Variants in RBMX observed in about 807,000 individuals in gnomAD.
RBMX encodes the protein RNA binding motif protein X-linked.
Under a neutral mutation model 29.3 loss-of-function variants are expected in RBMX, and 1 was observed. The observed-to-expected ratio is 0.03, with a 90% confidence interval of 0.01 to 0.16. RBMX has a LOEUF of 0.16. Ranked by LOEUF, RBMX falls within the 10% of genes least tolerant of loss-of-function variation. The probability of loss-of-function intolerance (pLI) is 1.00; values close to 1 mark genes in which losing one functional copy is unlikely to be tolerated. For missense variants in RBMX, 121 were observed against 333.2 expected, an observed-to-expected ratio of 0.36 and a Z score of 4.96; for synonymous variants, 102 against 102.3, an observed-to-expected ratio of 1.00 and a Z score of 0.02.
At position 136,877,903 on chromosome X, in the gene RBMX, G is replaced by A. The variant is rs771744771; in HGVS notation, c.388+12C>T. On this transcript the variant is annotated intron_variant, in intron 4 of 8. Coordinates refer to ENST00000320676, the MANE Select transcript of RBMX (RefSeq NM_002139.4). ...CTTATACACCAAACCCGAGGTCCAC[G>A]CAAGTTATTACCCATGTGTCCTCCC... The A allele has an allele frequency of 2.6e-5, 30 of 1,160,241 alleles. No individual in the cohort carries two copies. Among genetic ancestry groups the A allele is most frequent in the South Asian group, 1.0e-4 (5 of 48,614 alleles).
At chrX:136,872,600 A>G (rs913484691), downstream of RBMX, 5 of 349,610 alleles carry the variant, frequency 1.4e-5, no homozygotes, top group East Asian at 4.8e-5. Flanking sequence ...CGTTAAATCC[A>G]TAAGTTGAAC....
intron 4 of RBMX, among the ~76,000 whole-genome samples, chrX:136,877,363 T>C (rs1208719691): frequency 3.2e-5 from 3 of 92,661 alleles, no homozygotes; most frequent in African/African-American, 1.2e-4. Context: ...ATTATTGATT[T>C]GGGTAGTCTA....
chrX:136,871,337 G>A (rs1434696713), downstream of RBMX, among the ~76,000 whole-genome samples: 2 of 104,731 alleles, frequency 1.9e-5, no homozygotes. Context: ...GCTACTGGGG[G>A]AGGCTGAGGC....
chrX:136,875,705 T>C, intron 5 of RBMX, 120 bp from the exon 6 acceptor site: 1 of 954,075 alleles, frequency 1.0e-6, no homozygotes. Context: ...GGAGGCTAGA[T>C]CACCTAATTT....
At chrX:136,877,414 A>G (rs1055813741) in intron 4 of RBMX, among the ~76,000 whole-genome samples, 1 of 101,394 alleles carries the variant, frequency 9.9e-6, no homozygotes, top group Non-Finnish European at 2.0e-5. Context: ...GCAGTCATAG[A>G]AACTGGGGAA....
At chrX:136,876,710 A>G in intron 4 of RBMX, 55 bp from the exon 5 acceptor site, 1 of 1,040,539 alleles carries the variant, frequency 9.6e-7, no homozygotes, top group Non-Finnish European at 1.3e-6. Context: ...CAAGAAAGAT[A>G]TAAAAGTTTT....
chrX:136,877,461 T>C (rs1461164653), intron 4 of RBMX, among the ~76,000 whole-genome samples: 1 of 105,428 alleles, frequency 9.5e-6, no homozygotes, highest in Non-Finnish European at 2.0e-5. Context: ...ACTTTTTTTT[T>C]TTTTTTTTGA....
At position 136,873,560 on chromosome X, in the gene RBMX, C is replaced by G. The variant is rs1295732955; in HGVS notation, c.*582G>C. ...GGGAAAGGGGAGGTTCTTGCAGATTCCCAAGGAAATGTCAGAAAGGCAAAA... is the reference window on the plus strand; with the variant it reads ...GGGAAAGGGGAGGTTCTTGCAGATTGCCAAGGAAATGTCAGAAAGGCAAAA... On this transcript the variant is annotated 3_prime_UTR_variant, in exon 9 of 9. Transcript: ENST00000320676. The G allele has an allele frequency of 1.3e-5, 10 of 752,795 alleles. No individual in the cohort carries two copies. The highest frequency in any genetic ancestry group is 1.6e-5 in the Non-Finnish European group (10 of 638,692). The allele number at this position is 752,795 out of a possible 1,213,427, so 62.0% of individuals were successfully genotyped here.
At chrX:136,880,334 G>A (rs1332745262) in intron 1 of RBMX, among the ~76,000 whole-genome samples, 1 of 112,205 alleles carries the variant, frequency 8.9e-6, no homozygotes, top group East Asian at 2.8e-4. Context: ...TGGTGCGGTC[G>A]CTCCTCGCCC....
intron 8 of RBMX, 83 bp from the exon 9 acceptor site, chrX:136,874,535 T>C (rs1378634864): frequency 2.0e-5 from 22 of 1,094,441 alleles, no homozygotes; most frequent in Admixed American, 2.6e-5. Context: ...ACAGAATTCT[T>C]GTATTAAAAG....
chrX:136,879,808 G>GTAAA (rs1236467356), intron 1 of RBMX, among the ~76,000 whole-genome samples: 2 of 111,322 alleles, frequency 1.8e-5, no homozygotes, highest in Non-Finnish European at 3.8e-5. Flanking sequence ...TCCTAACGAT[G>GTAAA]GTTTTAAAAG....
Position 136,877,905 on chromosome X carries a change from A to G in RBMX, c.388+10T>C. ...TATACACCAAACCCGAGGTCCACGC[A>G]AGTTATTACCCATGTGTCCTCCCCG... On this transcript the variant is annotated intron_variant, in intron 4 of 8. Transcript: ENST00000320676. 4 of 1,164,071 alleles carry G rather than the reference A, an allele frequency of 3.4e-6. No individual in the cohort carries two copies. The highest frequency in any genetic ancestry group is 4.6e-6 in the Non-Finnish European group (4 of 869,087).
At chrX:136,876,703 G>A (rs766699839) in intron 4 of RBMX, 48 bp from the exon 5 acceptor site, 27 of 883,489 alleles carry the variant, frequency 3.1e-5, no homozygotes, top group Non-Finnish European at 3.8e-5. Context: ...CAAGAATCAA[G>A]AAAGATATAA....
chrX:136,871,525 G>T (rs1318796080), downstream of RBMX, among the ~76,000 whole-genome samples: 1 of 111,084 alleles, frequency 9.0e-6, no homozygotes, highest in African/African-American at 3.3e-5. Context: ...TGTTAAACAG[G>T]GAGCTTGCAG....
chrX:136,878,321 A>G (rs892734659), intron 3 of RBMX, among the ~76,000 whole-genome samples: 1 of 111,404 alleles, frequency 9.0e-6, no homozygotes. Context: ...AGGTGAACCC[A>G]CTGCATTATT....
downstream of RBMX, among the ~76,000 whole-genome samples, chrX:136,871,544 GCAT>G (rs1179247659): frequency 1.8e-5 from 2 of 111,371 alleles, no homozygotes; most frequent in Non-Finnish European, 3.8e-5. Flanking sequence ...AGCCACAGTT[GCAT>G]CATTAACTCC....
At position 136,873,575 on chromosome X, in the gene RBMX, G is replaced by A. The variant is rs2077697453; in HGVS notation, c.*567C>T. ...CTTGCAGATTCCCAAGGAAATGTCA[G>A]AAAGGCAAAATGGCCAGCATTATCC... On this transcript the variant is annotated 3_prime_UTR_variant, in exon 9 of 9. Coordinates refer to ENST00000320676, the MANE Select transcript of RBMX (RefSeq NM_002139.4). 1 of 753,639 alleles carries A rather than the reference G, an allele frequency of 1.3e-6. No individual in the cohort carries two copies. Among genetic ancestry groups the A allele is most frequent in the African/African-American group, 2.3e-5 (1 of 43,504 alleles). The allele number at this position is 753,639 out of a possible 1,213,427, so 62.1% of individuals were successfully genotyped here. A position where few individuals can be genotyped will look rare whatever the true frequency, so the allele number is the denominator to read the frequency against.
chrX:136,874,198 C>T lies in RBMX; in HGVS notation c.1120G>A (p.Gly374Ser). Reference protein sequence around the residue: ...YSSSSRGAPRGGGRGGSRSDR... With the variant: ...YSSSSRGAPRSGGRGGSRSDR... The stretch of plus-strand genomic sequence containing the variant: ...GATCGGCTTCCTCCACGGCCACCAC[C>T]TCTTGGTGCTCCGCGGCTTGAACTG... Residue 374 changes from glycine to serine, a missense_variant, in exon 9 of 9, where the codon GGT becomes AGT. By Grantham distance (56) the Gly-to-Ser change is moderately conservative. This residue lies in a region of RBMX where 114 missense variants were observed against 260.0 expected (regional missense o/e 0.44). Transcript: ENST00000320676. The T allele has an allele frequency of 1.6e-6, 2 of 1,212,776 alleles. No homozygotes were observed. The highest frequency in any genetic ancestry group is 1.1e-6 in the Non-Finnish European group (1 of 895,572).
chrX:136,874,195 C>T lies in RBMX; in HGVS notation c.1123G>A (p.Gly375Ser), dbSNP rs1400826373. Residue 375 changes from glycine to serine, a missense_variant, in exon 9 of 9, where the codon GGT (glycine) becomes AGT (serine). This residue lies in a region of RBMX where 114 missense variants were observed against 260.0 expected (regional missense o/e 0.44). Transcript: ENST00000320676. ...SSSSRGAPRG[G>S]GRGGSRSDRG... ...TCAGATCGGCTTCCTCCACGGCCAC[C>T]ACCTCTTGGTGCTCCGCGGCTTGAA... is the stretch of plus-strand genomic sequence containing the variant. The T allele has an allele frequency of 8.3e-7, 1 of 1,212,057 alleles. No homozygotes were observed. Among genetic ancestry groups the T allele is most frequent in the Non-Finnish European group, 1.1e-6 (1 of 895,361 alleles).
Sources: allele counts gnomAD v4.1 joint callset (sites outside exome capture counted in the v4.1 genomes callset), GRCh38; gene constraint gnomAD v4.1.1; regional missense constraint gnomAD v4.1.1; transcripts MANE v1.5; gene names NCBI Gene and HGNC (gene_info 2026-07-23, HGNC 2026-07-21).